DAPP1: variants seen among roughly 807,000 people sequenced by gnomAD.
DAPP1 encodes dual adapter for phosphotyrosine and 3-phosphotyrosine and 3-phosphoinositide.
A neutral mutation model predicts 41.5 loss-of-function variants in DAPP1; 20 were observed. The observed-to-expected ratio is 0.48, with a 90% CI of 0.34 to 0.70. The LOEUF is 0.70. DAPP1 is among the 30% of genes least tolerant of loss of function. The pLI is 0.01. For synonymous variants in DAPP1, 113 were observed against 116.2 expected (o/e 0.97, Z 0.18); for missense variants, 233 against 333.4 (o/e 0.70, Z 2.35).
intron 3 of DAPP1, among the ~76,000 whole-genome samples, chr4:99,849,061 G>A (rs1723767137): frequency 6.6e-6 from 1 of 152,160 alleles, no homozygotes; most frequent in Non-Finnish European, 1.5e-5. Context: ...ATCAGTATAA[G>A]TTGCCGTTTT....
At chr4:99,844,116 T>C (rs1281770846) in intron 3 of DAPP1, 2 of 152,170 alleles carry the variant, frequency 1.3e-5, no homozygotes, top group African/African-American at 4.8e-5. Context: ...GCCACAAAAA[T>C]TTAGGCTCGC....
Position 99,819,417 on chromosome 4 carries a change from A to G in DAPP1, c.101+2403A>G, listed in dbSNP as rs1261953684. On this transcript the variant is annotated intron_variant, in intron 1 of 8. Transcript: ENST00000512369. Reference sequence around the variant, plus strand: ...ACAATTTAACATCATCGAATTGAATATTTAATAATCAACTTGTGCCAGTAC... The same window carrying G: ...ACAATTTAACATCATCGAATTGAATGTTTAATAATCAACTTGTGCCAGTAC... Among the ~76,000 whole-genome samples, 3 of 152,220 alleles carry G rather than the reference A, an allele frequency of 2.0e-5. No individual in the cohort carries two copies. In the East Asian group the frequency reaches 5.8e-4, roughly 29 times the overall value.
intron 3 of DAPP1, among the ~76,000 whole-genome samples, chr4:99,851,580 A>ACTCAGG (rs1313549754): frequency 8.2e-6 from 1 of 121,824 alleles, no homozygotes; most frequent in Non-Finnish European, 1.6e-5. Flanking sequence ...TCACTCTGTC[A>ACTCAGG]CTCAGGCTGG....
chr4:99,863,718 GTTT>G (rs61359294), intron 6 of DAPP1, 49 bp from the exon 7 acceptor site: 851 of 881,984 alleles, frequency 9.6e-4, no homozygotes, highest in Admixed American at 1.1e-3. Flanking sequence ...AGATTTGTCT[GTTT>G]TTTTTTTTTT....
At chr4:99,865,851 C>A (rs1724403612) in intron 7 of DAPP1, 183 bp from the exon 8 acceptor site, 1 of 144,620 alleles carries the variant, frequency 6.9e-6, no homozygotes, top group Admixed American at 7.3e-5. Flanking sequence ...TTACCTGCAT[C>A]CTTTATCAAT....
At chr4:99,850,181 G>A (rs1052889797) in intron 3 of DAPP1, among the ~76,000 whole-genome samples, 12 of 152,294 alleles carry the variant, frequency 7.9e-5, no homozygotes, top group Admixed American at 2.0e-4. Context: ...AGGCCGAGGC[G>A]GGTGGATCAC....
At chr4:99,851,065 T>C (rs1241858918) in intron 3 of DAPP1, among the ~76,000 whole-genome samples, 1 of 152,122 alleles carries the variant, frequency 6.6e-6, no homozygotes, top group Non-Finnish European at 1.5e-5. Context: ...TTTCTTAGGG[T>C]TGGGAGCCAG....
intron 3 of DAPP1, 127 bp from the exon 4 acceptor site, chr4:99,853,091 A>T (rs1723920195): frequency 9.6e-7 from 1 of 1,036,924 alleles, no homozygotes; most frequent in Non-Finnish European, 1.4e-6. Flanking sequence ...ATAACTGTTG[A>T]GATAATGAGC....
At chr4:99,840,210 C>T in intron 2 of DAPP1, 79 bp from the exon 3 acceptor site, 2 of 1,018,268 alleles carry the variant, frequency 2.0e-6, no homozygotes, top group Non-Finnish European at 2.8e-6. Context: ...AATAGTGATG[C>T]TAACATCTGA....
At chr4:99,830,407 G>C (rs920409888) in intron 1 of DAPP1, among the ~76,000 whole-genome samples, 3 of 151,990 alleles carry the variant, frequency 2.0e-5, no homozygotes, top group Admixed American at 6.6e-5. Flanking sequence ...TGAATATAGA[G>C]CAAATTATAG....
At chr4:99,822,816 A>C (rs1375751100) in intron 1 of DAPP1, among the ~76,000 whole-genome samples, 1 of 152,130 alleles carries the variant, frequency 6.6e-6, no homozygotes, top group Non-Finnish European at 1.5e-5. Flanking sequence ...TAGAGGATAA[A>C]TTCCTATTCT....
chr4:99,834,358 A>G (rs1049426599), intron 1 of DAPP1, among the ~76,000 whole-genome samples: 3 of 151,892 alleles, frequency 2.0e-5, no homozygotes, highest in Non-Finnish European at 2.9e-5. Context: ...TGAAGAAAAC[A>G]TGTTTTGCTA....
In DAPP1 at chr4:99,835,891, G is replaced by A. The variant is rs3733463; in HGVS notation, c.224+146G>A. Reference sequence around the variant, plus strand: ...GGATTCCAAACTCTAAATGATGAGGGTGTAAAACAACATTCCTGCTCCATT... The same window carrying A: ...GGATTCCAAACTCTAAATGATGAGGATGTAAAACAACATTCCTGCTCCATT... On this transcript the variant is annotated intron_variant, in intron 2 of 8. Coordinates refer to ENST00000512369, the MANE Select transcript of DAPP1 (RefSeq NM_014395.3). The A allele has an allele frequency of 0.22, 230,602 of 1,042,220 alleles. 28,490 individuals carry two copies. The highest frequency in any genetic ancestry group is 0.37 in the African/African-American group (22,849 of 61,486). 64.6% of individuals were successfully genotyped at this position (1,042,220 alleles called of 1,614,324 possible).
Position 99,868,380 on chromosome 4 carries a change from C to A in DAPP1, c.*195C>A. 1.7e-6 allele frequency: 1 copy of A among 594,058 alleles called. No individual in the cohort carries two copies. The allele number at this position is 594,058 out of a possible 1,614,324, so 36.8% of individuals were successfully genotyped here. A position where few individuals can be genotyped will look rare whatever the true frequency, so the allele number is the denominator to read the frequency against. ...TGCCCTTCCATGATGTTGCCATCTCCTTGAGAACACTGAAGCAATCACCAT... is the reference window on the plus strand; with the variant it reads ...TGCCCTTCCATGATGTTGCCATCTCATTGAGAACACTGAAGCAATCACCAT... On this transcript the variant is annotated 3_prime_UTR_variant, in exon 9 of 9. Transcript: ENST00000512369.
chr4:99,860,890 T>A (rs2110165297), intron 4 of DAPP1, among the ~76,000 whole-genome samples: 1 of 152,342 alleles, frequency 6.6e-6, no homozygotes, highest in African/African-American at 2.4e-5. Flanking sequence ...TCTCCACCCT[T>A]ATATTTCGTA....
At chr4:99,845,067 A>G (rs1380603198) in intron 3 of DAPP1, among the ~76,000 whole-genome samples, 4 of 152,328 alleles carry the variant, frequency 2.6e-5, no homozygotes, top group Non-Finnish European at 5.9e-5. Context: ...ACATTTTTAG[A>G]GTGTTTGCTA....
intron 1 of DAPP1, among the ~76,000 whole-genome samples, chr4:99,829,362 C>T (rs1330976991): frequency 6.6e-6 from 1 of 151,950 alleles, no homozygotes; most frequent in Non-Finnish European, 1.5e-5. Flanking sequence ...CACCTGTAGT[C>T]CCACCTACTC....
At chr4:99,848,439 C>G (rs747334733) in intron 3 of DAPP1, among the ~76,000 whole-genome samples, 27 of 151,680 alleles carry the variant, frequency 1.8e-4, no homozygotes, top group Non-Finnish European at 3.2e-4. Flanking sequence ...CCGTGTTAGC[C>G]AGGATGGTCT....
chr4:99,864,489 T>C (rs1724359669), intron 7 of DAPP1, among the ~76,000 whole-genome samples: 1 of 152,204 alleles, frequency 6.6e-6, no homozygotes, highest in Admixed American at 6.5e-5. Context: ...CTAAAGACTT[T>C]AGTATGTGTC....
Sources: allele counts gnomAD v4.1 joint callset (sites outside exome capture counted in the v4.1 genomes callset), GRCh38; gene constraint gnomAD v4.1.1; transcripts MANE v1.5; gene names NCBI Gene and HGNC (gene_info 2026-07-23, HGNC 2026-07-21).